Variants in SETBP1 observed in about 807,000 individuals in gnomAD.
SETBP1 encodes the protein SET-binding protein.
SETBP1 carries 9 observed loss-of-function variants against 101.0 expected under a neutral mutation model. The observed-to-expected ratio is 0.09, with a 90% CI of 0.05 to 0.16. SETBP1 has a LOEUF of 0.16. Among genes scored for constraint, SETBP1 ranks in the 10% least tolerant of loss-of-function variants. The pLI is 1.00. For synonymous variants in SETBP1, 818 were observed against 788.5 expected, an observed-to-expected ratio of 1.04 and a Z score of -0.63; for missense variants, 1,858 against 2,033.8, an observed-to-expected ratio of 0.91 and a Z score of 1.66.
intron 4 of SETBP1, among the ~76,000 whole-genome samples, chr18:45,022,944 G>A (rs1280211954): frequency 2.0e-5 from 3 of 152,210 alleles, no homozygotes; most frequent in African/African-American, 7.2e-5. Context: ...CTGGGGGATA[G>A]GTACTACTAT....
chr18:44,933,930 G>T (rs1331286101), intron 3 of SETBP1, among the ~76,000 whole-genome samples: 1 of 152,002 alleles, frequency 6.6e-6, no homozygotes, highest in East Asian at 1.9e-4. Flanking sequence ...TGCTCCATGG[G>T]CTGCACCCAC....
chr18:44,921,421 T>C (rs377746255), intron 3 of SETBP1, among the ~76,000 whole-genome samples: 141 of 152,010 alleles, frequency 9.3e-4, no homozygotes, highest in African/African-American at 3.1e-3. Context: ...TGGAACTGGG[T>C]TGAGGTTCCA....
At chr18:45,001,447 C>G (rs2072617333) in intron 4 of SETBP1, among the ~76,000 whole-genome samples, 1 of 152,210 alleles carries the variant, frequency 6.6e-6, no homozygotes, top group Admixed American at 6.5e-5. Flanking sequence ...AAAGCCAATA[C>G]TGACTCCCAG....
Position 45,067,557 on chromosome 18 carries a change from A to T in SETBP1, c.*3859A>T, listed in dbSNP as rs1244681839. 1 of 152,228 alleles carries T rather than the reference A, an allele frequency of 6.6e-6. No individual in the cohort carries two copies. Among genetic ancestry groups the T allele is most frequent in the Non-Finnish European group, 1.5e-5 (1 of 68,046 alleles). 9.4% of individuals were successfully genotyped at this position (152,228 alleles called of 1,614,324 possible). ...TCGTTATGTAAAAGTAGATAAATATAGACGTTATTCTCAACACTACCCTAT... is the reference window on the plus strand; with the variant it reads ...TCGTTATGTAAAAGTAGATAAATATTGACGTTATTCTCAACACTACCCTAT... On this transcript the variant is annotated 3_prime_UTR_variant, in exon 6 of 6. Transcript: ENST00000649279.
At chr18:44,972,094 G>A (rs1280801269) in intron 4 of SETBP1, among the ~76,000 whole-genome samples, 3 of 152,132 alleles carry the variant, frequency 2.0e-5, no homozygotes. Context: ...TTCTACATAT[G>A]GCTAGCCAGT....
intron 4 of SETBP1, among the ~76,000 whole-genome samples, chr18:45,000,082 A>G (rs1383161778): frequency 2.6e-5 from 4 of 152,268 alleles, no homozygotes; most frequent in Non-Finnish European, 4.4e-5. Flanking sequence ...TCCTAGTAGC[A>G]GTGCACTCTA....
intron 2 of SETBP1, among the ~76,000 whole-genome samples, chr18:44,866,498 T>C (rs781750994): frequency 6.6e-6 from 1 of 152,220 alleles, no homozygotes; most frequent in South Asian, 2.1e-4. Flanking sequence ...ATATGCAAAA[T>C]TTACATAAGA....
At chr18:45,016,867 G>C (rs535752699) in intron 4 of SETBP1, among the ~76,000 whole-genome samples, 1 of 140,636 alleles carries the variant, frequency 7.1e-6, no homozygotes, top group Non-Finnish European at 1.5e-5. Flanking sequence ...TTTCAGAGCC[G>C]ACTCTGGTAA....
At chr18:44,875,588 A>G (rs1460181886) in intron 3 of SETBP1, among the ~76,000 whole-genome samples, 1 of 148,332 alleles carries the variant, frequency 6.7e-6, no homozygotes, top group African/African-American at 2.5e-5. Context: ...TTTCCAGGGC[A>G]CTGAGCCTCG....
intron 3 of SETBP1, among the ~76,000 whole-genome samples, chr18:44,915,064 A>T (rs2070395793): frequency 2.0e-5 from 3 of 152,126 alleles, no homozygotes; most frequent in African/African-American, 7.2e-5. Context: ...TTTTATATTG[A>T]TTTGAATATA....
intron 3 of SETBP1, among the ~76,000 whole-genome samples, chr18:44,915,192 C>T (rs764505919): frequency 6.6e-6 from 1 of 152,182 alleles, no homozygotes; most frequent in Non-Finnish European, 1.5e-5. Context: ...TTGCTCACTG[C>T]ATTTCCCCTC....
intron 1 of SETBP1, among the ~76,000 whole-genome samples, chr18:44,699,076 T>C (rs2069067697): frequency 6.6e-6 from 1 of 152,234 alleles, no homozygotes; most frequent in African/African-American, 2.4e-5. Context: ...TCACAGAATC[T>C]GTAACATACA....
At position 44,952,012 on chromosome 18, in the gene SETBP1, G is replaced by T. The variant is rs747951038; in HGVS notation, c.2672G>T (p.Arg891Met). The change falls in exon 4 of 6, where the codon AGG (arginine) becomes ATG (methionine). Residue 891 changes from arginine (R) to methionine (M), a missense_variant. Arg to Met is a moderately conservative substitution (Grantham distance 91, BLOSUM62 -1). Coordinates refer to ENST00000649279, the MANE Select transcript of SETBP1 (RefSeq NM_015559.3). ...GAGAAGAGCTCAGAATCCCGAAGGA[G>T]GTACTCTTTTGATTTCTGCTCCCTG... Reference protein sequence around the residue: ...QAEKSSESRRRYSFDFCSLDN... With the variant: ...QAEKSSESRRMYSFDFCSLDN... 6.2e-7 allele frequency: 1 copy of T among 1,614,038 alleles called. No homozygotes were observed. The highest frequency in any genetic ancestry group is 8.5e-7 in the Non-Finnish European group (1 of 1,180,022).
intron 2 of SETBP1, among the ~76,000 whole-genome samples, chr18:44,761,621 A>C (rs1010191135): frequency 6.6e-6 from 1 of 152,178 alleles, no homozygotes; most frequent in Non-Finnish European, 1.5e-5. Context: ...CCTCTTGAGT[A>C]AGGGCAGCCA....
chr18:45,003,905 G>A lies in SETBP1; in HGVS notation c.4001-34580G>A, dbSNP rs1218658903. ...CGTAAGATAGTATCCCACTACGCCA[G>A]TGATTCTTGCCTGGGTTTATTTAGC... On this transcript the variant is annotated intron_variant, in intron 4 of 5. Coordinates refer to ENST00000649279, the MANE Select transcript of SETBP1 (RefSeq NM_015559.3). 2.0e-5 allele frequency among the ~76,000 whole-genome samples: 3 copies of A among 152,170 alleles called. No individual in the cohort carries two copies. The East Asian group carries it at 5.8e-4, about 29-fold the overall frequency.
intron 3 of SETBP1, chr18:44,870,368 G>A (rs959825100): frequency 6.6e-6 from 1 of 152,212 alleles, no homozygotes; most frequent in Non-Finnish European, 1.5e-5. Flanking sequence ...CAGAGAGCTA[G>A]GAACAGGTGA....
chr18:44,683,721 C>T (rs2068794469), intron 1 of SETBP1, among the ~76,000 whole-genome samples: 1 of 152,164 alleles, frequency 6.6e-6, no homozygotes, highest in Admixed American at 6.5e-5. Flanking sequence ...GCCTGGACCT[C>T]CCAGAATGCC....
chr18:44,749,736 A>G (rs2144527207), intron 2 of SETBP1, among the ~76,000 whole-genome samples: 1 of 152,374 alleles, frequency 6.6e-6, no homozygotes, highest in Middle Eastern at 3.4e-3. Context: ...CAAAGAAGTT[A>G]GAAGTAAAAA....
chr18:44,739,620 T>C (rs2070053226), intron 2 of SETBP1, among the ~76,000 whole-genome samples: 1 of 152,264 alleles, frequency 6.6e-6, no homozygotes. Context: ...TTATCAGTGA[T>C]ATCTGAATTT....
Sources: allele counts gnomAD v4.1 joint callset (sites outside exome capture counted in the v4.1 genomes callset), GRCh38; gene constraint gnomAD v4.1.1; transcripts MANE v1.5; gene names NCBI Gene and HGNC (gene_info 2026-07-23, HGNC 2026-07-21).